Variants in PLEKHG6 observed in about 807,000 individuals in gnomAD.
PLEKHG6 encodes the protein pleckstrin homology domain-containing family G member 6.
A neutral mutation model predicts 97.5 loss-of-function variants in PLEKHG6; 91 were observed. The ratio of observed to expected loss-of-function variants is 0.93; its 90% CI spans 0.79 to 1.11. The LOEUF is 1.11. PLEKHG6 is among the 50% of genes most tolerant of loss of function. PLEKHG6 has a pLI of 0.00. For missense variants in PLEKHG6, 1,044 were observed against 1,031.0 expected, an observed-to-expected ratio of 1.01 and a Z score of -0.17; for synonymous variants, 466 against 425.5, an observed-to-expected ratio of 1.10 and a Z score of -1.17.
At chr12:6,313,221 G>A (rs1000404929) in intron 2 of PLEKHG6, 1 of 1,536,456 alleles carries the variant, frequency 6.5e-7, no homozygotes, top group Non-Finnish European at 8.8e-7. Context: ...GAGGGAGGCT[G>A]GTCATAGACA....
chr12:6,327,479 T>TTGGCGCC lies in PLEKHG6; in HGVS notation c.1896_1897insTGGCGCC (p.Pro633TrpfsTer39). 1 of 1,603,272 alleles carries TTGGCGCC rather than the reference T, an allele frequency of 6.2e-7. No homozygotes were observed. Among genetic ancestry groups the TTGGCGCC allele is most frequent in the Non-Finnish European group, 8.5e-7 (1 of 1,171,718 alleles). On this transcript the variant is annotated frameshift_variant, in exon 15 of 16. Transcript: ENST00000684764. LOFTEE classifies it high-confidence loss of function. ...TGGAACTCCGGGACATCCCTCTGCG[T>TTGGCGCC]CCCCACCCTCCCGACCCCCAAGCTC...
chr12:6,313,520 T>A, intron 2 of PLEKHG6, 109 bp from the exon 3 acceptor site: 1 of 1,338,260 alleles, frequency 7.5e-7, no homozygotes, highest in Non-Finnish European at 1.0e-6. Flanking sequence ...CAGCCCGACT[T>A]ACCAGGGTGG....
rs1206938604 is a variant in PLEKHG6, at chr12:6,316,888, C to T, written c.757-415C>T. 6.6e-6 allele frequency among the ~76,000 whole-genome samples: 1 copy of T among 152,158 alleles called. No individual in the cohort carries two copies. The highest frequency in any genetic ancestry group is 1.5e-5 in the Non-Finnish European group (1 of 68,018). Reference sequence around the variant, plus strand: ...TGGGGTAGAGAGGTAGGCGTACTGCCCCTGGGAGCCTTAGGTACCCCCTCC... The same window carrying T: ...TGGGGTAGAGAGGTAGGCGTACTGCTCCTGGGAGCCTTAGGTACCCCCTCC... On this transcript the variant is annotated intron_variant, in intron 7 of 15. Coordinates refer to ENST00000684764, the MANE Select transcript of PLEKHG6 (RefSeq NM_001384598.1). This position sits in a 1 kb window ranked among gnomAD's most constrained non-coding sequence, Gnocchi z 4.1.
chr12:6,311,339 A>G (rs915585351), intron 1 of PLEKHG6, among the ~76,000 whole-genome samples: 2 of 152,148 alleles, frequency 1.3e-5, no homozygotes, highest in African/African-American at 4.8e-5. Context: ...GAGAAACTCT[A>G]ATTCTATTTG....
rs754130282 is a variant in PLEKHG6, at chr12:6,328,142, A to T, written c.2370A>T (p.Val790=). Residue 790 remains valine, a synonymous_variant, in exon 16 of 16, where the codon GTA becomes GTT. Coordinates refer to ENST00000684764, the MANE Select transcript of PLEKHG6 (RefSeq NM_001384598.1). ...CCCCCTCCTGTCTTTTCAGAGAGGT[A>T]TGAGGAATGCAGAGGACCTTTGGCA... ...QLDTPLSASE[V] is the part of the protein sequence containing the mutation. 1.2e-6 allele frequency: 2 copies of T among 1,614,056 alleles called. No homozygotes were observed. Among genetic ancestry groups the T allele is most frequent in the Non-Finnish European group, 1.7e-6 (2 of 1,179,928 alleles).
chr12:6,320,939 G>A (rs1818606543), intron 13 of PLEKHG6, among the ~76,000 whole-genome samples: 1 of 152,176 alleles, frequency 6.6e-6, no homozygotes, highest in African/African-American at 2.4e-5. Flanking sequence ...GCCAGATTCT[G>A]CAGAATCTCA....
Position 6,315,638 on chromosome 12 carries a change from A to T in PLEKHG6, c.544A>T (p.Ile182Phe), listed in dbSNP as rs1248338462. The T allele has an allele frequency of 6.3e-7, 1 of 1,582,336 alleles. No homozygotes were observed. ...GCTGATCTACGTGAGAAAGCTCAAG[A>T]TCATGACTGATGTGAGCCCCCCTCA... is the stretch of plus-strand genomic sequence containing the variant. ...TELIYVRKLK[I>F]MTDLLAAGLL... is the part of the protein sequence containing the mutation. Residue 182 changes from isoleucine (I) to phenylalanine (F), a missense_variant, in exon 5 of 16, where the codon ATC becomes TTC. By Grantham distance (21) the Ile-to-Phe change is conservative (BLOSUM62 0). Coordinates refer to ENST00000684764, the MANE Select transcript of PLEKHG6 (RefSeq NM_001384598.1). The surrounding 1 kb of genome is among the most constrained non-coding windows in gnomAD (Gnocchi z 4.5).
rs201994150 is a variant in PLEKHG6, at chr12:6,312,406, G to T, written c.138+42G>T. On this transcript the variant is annotated intron_variant, in intron 2 of 15. Transcript: ENST00000684764. ...CCCCAAAAGTGACCTGGTGGGGCAGGAGGGAAGACACCTAGGCTGTGGAGT... is the reference window on the plus strand; with the variant it reads ...CCCCAAAAGTGACCTGGTGGGGCAGTAGGGAAGACACCTAGGCTGTGGAGT... 3 of 1,550,014 alleles carry T rather than the reference G, an allele frequency of 1.9e-6. No homozygotes were observed. The Admixed American group carries it at 6.4e-5, about 33-fold the overall frequency.
At chr12:6,321,615 G>A (rs79798100) in intron 13 of PLEKHG6, among the ~76,000 whole-genome samples, 1 of 151,822 alleles carries the variant, frequency 6.6e-6, no homozygotes, top group Non-Finnish European at 1.5e-5. Flanking sequence ...GAGGCGGGCC[G>A]ATCACGAGGT....
rs373080393 is a variant in PLEKHG6 at position 6,315,957 on chromosome 12, G to A, written c.606+38G>A. ...TCAGGAGGGGACCCTGGCACAGCCC[G>A]ACCTCTGAGCCTGGGGATGAGGGTG... On this transcript the variant is annotated intron_variant, in intron 6 of 15. Transcript: ENST00000684764. The surrounding 1 kb of genome is among the most constrained non-coding windows in gnomAD (Gnocchi z 4.5). 53 of 1,532,234 alleles carry A rather than the reference G, an allele frequency of 3.5e-5. No homozygotes were observed. The highest frequency in any genetic ancestry group is 1.7e-4 in the Middle Eastern group (1 of 5,776). 94.9% of individuals were successfully genotyped at this position (1,532,234 alleles called of 1,614,324 possible).
intron 13 of PLEKHG6, chr12:6,319,726 C>CATTT: frequency 1.3e-6 from 2 of 1,501,352 alleles, no homozygotes; most frequent in Non-Finnish European, 1.8e-6. Flanking sequence ...CATTCGCAGA[C>CATTT]ATTTACAGGG....
chr12:6,313,733 G>A lies in PLEKHG6; in HGVS notation c.243G>A (p.Lys81=), dbSNP rs1361565705. 17 of 1,610,654 alleles carry A rather than the reference G, an allele frequency of 1.1e-5. No homozygotes were observed. The highest frequency in any genetic ancestry group is 1.3e-5 in the Non-Finnish European group (15 of 1,178,578). The change falls in exon 3 of 16, where the codon AAG becomes AAA. Residue 81 remains lysine, a synonymous_variant. Transcript: ENST00000684764. ...GACTGCGAGATCCAGAGCCCGAGAAGAGGCACGGGGGCCATGTGGGGGCTG... is the reference window on the plus strand; with the variant it reads ...GACTGCGAGATCCAGAGCCCGAGAAAAGGCACGGGGGCCATGTGGGGGCTG... ...PMRLRDPEPE[K]RHGGHVGAGL...
rs1478760081 is a variant in PLEKHG6, at chr12:6,313,693, GCCTGTCA to G, written c.206_212del (p.Leu69ProfsTer2). On this transcript the variant is annotated frameshift_variant, in exon 3 of 16. Coordinates refer to ENST00000684764, the MANE Select transcript of PLEKHG6 (RefSeq NM_001384598.1). LOFTEE classifies it high-confidence loss of function. ...GCCAGGGGTTCTGGCCAGGCCCGAGGCCTGTCACCCATGAGACTGCGAGATCCAGAGC... is the reference window on the plus strand; with the variant it reads ...GCCAGGGGTTCTGGCCAGGCCCGAGGCCCATGAGACTGCGAGATCCAGAGC... The G allele has an allele frequency of 5.0e-6, 8 of 1,613,780 alleles. No homozygotes were observed. Among genetic ancestry groups the G allele is most frequent in the Non-Finnish European group, 5.9e-6 (7 of 1,179,948 alleles).
intron 3 of PLEKHG6, 34 bp downstream of exon 3, chr12:6,313,818 T>TAA: frequency 6.6e-7 from 1 of 1,525,526 alleles, no homozygotes; most frequent in South Asian, 1.3e-5. Context: ...TCCCCACACA[T>TAA]ACGGCCCCAA....
intron 13 of PLEKHG6, among the ~76,000 whole-genome samples, chr12:6,325,490 T>C (rs2136787341): frequency 6.6e-6 from 1 of 152,358 alleles, no homozygotes; most frequent in South Asian, 2.1e-4. Flanking sequence ...GGTACCTGTA[T>C]GAAATCGCTG....
chr12:6,315,077 C>G lies in PLEKHG6; in HGVS notation c.367C>G (p.Pro123Ala), dbSNP rs1947408194. 1.2e-6 allele frequency: 2 copies of G among 1,613,658 alleles called. No individual in the cohort carries two copies. The highest frequency in any genetic ancestry group is 2.7e-5 in the African/African-American group (2 of 74,920). Residue 123 changes from proline (P) to alanine (A), a missense_variant, in exon 4 of 16, where the codon CCT (proline) becomes GCT (alanine). Coordinates refer to ENST00000684764, the MANE Select transcript of PLEKHG6 (RefSeq NM_001384598.1). The surrounding 1 kb of genome is among the most constrained non-coding windows in gnomAD (Gnocchi z 4.5). ...CATGTTTGGGATGCCCCGGCTGCCC[C>G]CTGAGGACCGGCGGCACTGGGAGAT... ...FSMFGMPRLP[P>A]EDRRHWEIGE... is the part of the protein sequence containing the mutation.
Position 6,328,135 on chromosome 12 carries a change from G to A in PLEKHG6, c.2364-1G>A. On this transcript the variant is annotated splice_acceptor_variant, in intron 15 of 15. Coordinates refer to ENST00000684764, the MANE Select transcript of PLEKHG6 (RefSeq NM_001384598.1). LOFTEE classifies it high-confidence loss of function. The stretch of plus-strand genomic sequence containing the variant: ...CCTAACACCCCCTCCTGTCTTTTCA[G>A]AGAGGTATGAGGAATGCAGAGGACC... 1 of 1,614,092 alleles carries A rather than the reference G, an allele frequency of 6.2e-7. No homozygotes were observed. Among genetic ancestry groups the A allele is most frequent in the Non-Finnish European group, 8.5e-7 (1 of 1,179,972 alleles).
In PLEKHG6 at chr12:6,313,645, G is replaced by A. The variant is rs142011399; in HGVS notation, c.155G>A (p.Arg52His). The A allele has an allele frequency of 1.5e-4, 249 of 1,613,914 alleles. No individual in the cohort carries two copies. Among genetic ancestry groups the A allele is most frequent in the Middle Eastern group, 6.6e-4 (4 of 6,084 alleles). The change falls in exon 3 of 16, where the codon CGC becomes CAC. Residue 52 changes from arginine to histidine, a missense_variant. Transcript: ENST00000684764. ...GYPVLDPSRR[R>H]LQQYVPFARG... is the part of the protein sequence containing the mutation. ...CTCTCCCAGGATCCCAGTCGCCGAC[G>A]CCTCCAGCAGTATGTCCCCTTTGCC...
At position 6,316,033 on chromosome 12, in the gene PLEKHG6, G is replaced by T; in HGVS notation, c.606+114G>T. ...TTCCCACTGCCCCGTTTTTTGGGAT[G>T]CCTTGCCCTCCCTACTTCCCTGTTA... On this transcript the variant is annotated intron_variant, in intron 6 of 15. Coordinates refer to ENST00000684764, the MANE Select transcript of PLEKHG6 (RefSeq NM_001384598.1). This position sits in a 1 kb window ranked among gnomAD's most constrained non-coding sequence, Gnocchi z 4.1. The T allele has an allele frequency of 9.5e-7, 1 of 1,052,034 alleles. No individual in the cohort carries two copies. The allele number at this position is 1,052,034 out of a possible 1,614,324, so 65.2% of individuals were successfully genotyped here.
Sources: gnomAD v4.1 joint callset for allele counts (sites outside exome capture counted in the v4.1 genomes callset) on GRCh38, gnomAD v4.1.1 for gene constraint, Gnocchi (gnomAD v3.1) non-coding constraint, MANE v1.5 for transcripts, NCBI Gene and HGNC (gene_info 2026-07-23, HGNC 2026-07-21) for gene names.